PTPRD: variants seen among roughly 807,000 people sequenced by gnomAD.
PTPRD encodes protein tyrosine phosphatase receptor type D.
PTPRD carries 34 observed loss-of-function variants against 214.5 expected under a neutral mutation model. That is an observed-to-expected ratio of 0.16 (90% CI 0.12 to 0.21). PTPRD has a LOEUF of 0.21. PTPRD is among the 10% of genes least tolerant of loss of function. The pLI, the probability that PTPRD is intolerant of heterozygous loss-of-function variation, is 1.00. For synonymous variants in PTPRD, 1,128 were observed against 845.7 expected (o/e 1.33, Z -5.79); for missense variants, 2,545 against 2,398.7 (o/e 1.06, Z -1.27).
chr9:8,628,105 A>G (rs1383801678), intron 14 of PTPRD, among the ~76,000 whole-genome samples: 2 of 151,884 alleles, frequency 1.3e-5, no homozygotes, highest in Non-Finnish European at 2.9e-5. Flanking sequence ...GTGACAGTCA[A>G]GCAGCTGTGC....
chr9:9,615,927 A>G (rs907424216), intron 7 of PTPRD, among the ~76,000 whole-genome samples: 3 of 152,192 alleles, frequency 2.0e-5, no homozygotes, highest in Non-Finnish European at 4.4e-5. Flanking sequence ...CTATTTTGTA[A>G]CCATCCCAAA....
At chr9:8,668,846 G>T (rs932191634) in intron 12 of PTPRD, among the ~76,000 whole-genome samples, 1 of 152,148 alleles carries the variant, frequency 6.6e-6, no homozygotes, top group African/African-American at 2.4e-5. Flanking sequence ...TATTCCAAAA[G>T]TTAGAGATAG....
chr9:9,185,527 C>G (rs2099930844), intron 9 of PTPRD, among the ~76,000 whole-genome samples: 1 of 152,038 alleles, frequency 6.6e-6, no homozygotes, highest in African/African-American at 2.4e-5. Context: ...CGAGATTTAC[C>G]TCCTTTACTT....
rs117765480 is a variant in PTPRD, at chr9:10,079,261, C to T, written c.-544-45471G>A. ...CTAATCTAGGCTGATCTGATCCAGA[C>T]GGGCGTGCCATTGCAGCTATTCTGA... On this transcript the variant is annotated intron_variant, in intron 3 of 45. Transcript: ENST00000381196. 6.7e-3 allele frequency among the ~76,000 whole-genome samples: 1,020 copies of T among 152,182 alleles called. 3 individuals carry two copies. Among genetic ancestry groups the T allele is most frequent in the Non-Finnish European group, 9.9e-3 (672 of 68,006 alleles).
chr9:9,313,554 A>G (rs1960497114), intron 9 of PTPRD, among the ~76,000 whole-genome samples: 1 of 152,136 alleles, frequency 6.6e-6, no homozygotes, highest in Non-Finnish European at 1.5e-5. Flanking sequence ...TTCTTATACC[A>G]GTGTTAGAGT....
At chr9:8,797,435 C>T (rs990197144) in intron 11 of PTPRD, among the ~76,000 whole-genome samples, 5 of 152,162 alleles carry the variant, frequency 3.3e-5, no homozygotes, top group African/African-American at 1.2e-4. Context: ...GGTGCTAGCA[C>T]ACAGAATCTT....
chr9:9,445,014 A>C (rs1439454598), intron 8 of PTPRD, among the ~76,000 whole-genome samples: 1 of 152,174 alleles, frequency 6.6e-6, no homozygotes, highest in African/African-American at 2.4e-5. Flanking sequence ...TTTCTTGATC[A>C]AATTTTAAAA....
In PTPRD at chr9:10,190,021, C is replaced by A. The variant is rs112917478; in HGVS notation, c.-545+150942G>T. Reference sequence around the variant, plus strand: ...CCAGAATCCAAAGACCAACGACATTCTGTTAAAGAGTTGAGCTCTGAGAAT... The same window carrying A: ...CCAGAATCCAAAGACCAACGACATTATGTTAAAGAGTTGAGCTCTGAGAAT... On this transcript the variant is annotated intron_variant, in intron 3 of 45. Coordinates refer to ENST00000381196, the MANE Select transcript of PTPRD (RefSeq NM_002839.4). Among the ~76,000 whole-genome samples, 1,122 of 152,154 alleles carry A rather than the reference C, an allele frequency of 7.4e-3. 8 individuals carry two copies. Among genetic ancestry groups the A allele is most frequent in the African/African-American group, 0.026 (1,064 of 41,500 alleles).
At chr9:8,504,855 T>G (rs968496812) in intron 22 of PTPRD, among the ~76,000 whole-genome samples, 7 of 152,144 alleles carry the variant, frequency 4.6e-5, no homozygotes, top group Non-Finnish European at 1.0e-4. Flanking sequence ...GAAATCTCAA[T>G]TGGAGGCAAA....
intron 12 of PTPRD, among the ~76,000 whole-genome samples, chr9:8,730,169 T>C (rs1399585569): frequency 6.6e-6 from 1 of 151,994 alleles, no homozygotes; most frequent in African/African-American, 2.4e-5. Context: ...GACAGGAGAA[T>C]GGCGTGAACC....
chr9:8,871,345 T>A (rs2098296012), intron 11 of PTPRD, among the ~76,000 whole-genome samples: 1 of 152,158 alleles, frequency 6.6e-6, no homozygotes. Context: ...TATGTTAGCA[T>A]CTGATCACTA....
At chr9:10,451,594 G>C (rs1322579485) in intron 2 of PTPRD, among the ~76,000 whole-genome samples, 4 of 151,334 alleles carry the variant, frequency 2.6e-5, no homozygotes, top group Non-Finnish European at 4.4e-5. Flanking sequence ...GTTGTTTCAA[G>C]GATTAAATGA....
intron 9 of PTPRD, among the ~76,000 whole-genome samples, chr9:9,206,962 C>A (rs1454624907): frequency 6.6e-6 from 1 of 152,088 alleles, no homozygotes; most frequent in Non-Finnish European, 1.5e-5. Context: ...CTCTAGAGAA[C>A]CCTGACTAAT....
chr9:10,247,715 G>T (rs1056315476), intron 3 of PTPRD, among the ~76,000 whole-genome samples: 1 of 152,124 alleles, frequency 6.6e-6, no homozygotes, highest in Admixed American at 6.6e-5. Context: ...TTTTCATTTT[G>T]GCTGACTTCC....
At chr9:9,995,143 T>G (rs1273690285) in intron 4 of PTPRD, among the ~76,000 whole-genome samples, 1 of 152,142 alleles carries the variant, frequency 6.6e-6, no homozygotes, top group African/African-American at 2.4e-5. Context: ...ACTTTTTGCC[T>G]AAGGCTATCA....
chr9:8,502,132 TC>T (rs538218395), intron 23 of PTPRD, among the ~76,000 whole-genome samples: 14 of 152,234 alleles, frequency 9.2e-5, no homozygotes, highest in African/African-American at 3.4e-4. Context: ...GCAATCATTT[TC>T]CATCAAATTA....
At chr9:8,871,738 G>T (rs2098302692) in intron 11 of PTPRD, among the ~76,000 whole-genome samples, 1 of 151,860 alleles carries the variant, frequency 6.6e-6, no homozygotes, top group Non-Finnish European at 1.5e-5. Context: ...GTAGGCAAAA[G>T]ACAAAATTTA....
At chr9:8,524,526 C>A (rs2097964119) in intron 18 of PTPRD, among the ~76,000 whole-genome samples, 1 of 151,996 alleles carries the variant, frequency 6.6e-6, no homozygotes, top group African/African-American at 2.4e-5. Flanking sequence ...CTTGGAATTG[C>A]ACAGAGAACT....
chr9:10,086,417 G>C (rs962095782), intron 3 of PTPRD, among the ~76,000 whole-genome samples: 2 of 151,582 alleles, frequency 1.3e-5, no homozygotes, highest in African/African-American at 4.8e-5. Flanking sequence ...CCATAATATG[G>C]AGCTCAGTCC....
Sources: allele counts gnomAD v4.1 joint callset (sites outside exome capture counted in the v4.1 genomes callset), GRCh38; gene constraint gnomAD v4.1.1; transcripts MANE v1.5; gene names NCBI Gene and HGNC (gene_info 2026-07-23, HGNC 2026-07-21).